Variants in PSG6 observed in about 807,000 individuals in gnomAD.
PSG6 encodes pregnancy specific beta-1-glycoprotein 6, also known as pregnancy-specific beta-1-glycoprotein 6.
Under a neutral mutation model 43.3 loss-of-function variants are expected in PSG6, and 51 were observed. The observed-to-expected ratio is 1.18, with a 90% CI of 0.94 to 1.49. The LOEUF (loss-of-function observed/expected upper bound fraction) is 1.49. Among genes scored for constraint, PSG6 ranks in the 40% most tolerant of loss-of-function variants. The pLI is 0.00. For missense variants in PSG6, 770 were observed against 522.2 expected, an observed-to-expected ratio of 1.47 and a Z score of -4.62; for synonymous variants, 292 against 197.6, an observed-to-expected ratio of 1.48 and a Z score of -4.01.
chr19:42,903,945 A>G (rs565430999), intron 5 of PSG6, among the ~76,000 whole-genome samples: 10 of 151,760 alleles, frequency 6.6e-5, no homozygotes, highest in Non-Finnish European at 1.2e-4. Flanking sequence ...GATTACTACC[A>G]ATTCTAATAA....
intron 4 of PSG6, 90 bp from the exon 5 acceptor site, chr19:42,907,266 C>A: frequency 6.5e-7 from 1 of 1,535,910 alleles, no homozygotes; most frequent in East Asian, 2.3e-5. Context: ...ACCCTCTGAA[C>A]CAAGACACAA....
Position 42,910,883 on chromosome 19 carries a change from T to G in PSG6, c.428-25A>C, listed in dbSNP as rs190705074. 3.6e-3 allele frequency: 5,689 copies of G among 1,583,654 alleles called. 146 individuals are homozygous for G. The highest frequency in any genetic ancestry group is 4.3e-3 in the Non-Finnish European group (4,992 of 1,164,654). ...GCTGTGCAGAAAACAGAGAGAAGAT[T>G]GCCCTGTGTGGCACCTTTGATTCCT... On this transcript the variant is annotated intron_variant, in intron 2 of 5. Transcript: ENST00000187910.
Position 42,917,522 on chromosome 19 carries a change from T to C in PSG6, c.64+207A>G, listed in dbSNP as rs184733968. Among the ~76,000 whole-genome samples the C allele has an allele frequency of 4.0e-4, 61 of 150,976 alleles. 2 individuals carry two copies. The highest frequency in any genetic ancestry group is 3.4e-3 in the Middle Eastern group (1 of 292). On this transcript the variant is annotated intron_variant, in intron 1 of 5. Coordinates refer to ENST00000187910, the MANE Select transcript of PSG6 (RefSeq NM_001031850.4). The stretch of plus-strand genomic sequence containing the variant: ...GGATTACAGGAGCACACCACCATAC[T>C]TGGTTAATTTTTTGTATTTTTTGGT...
rs1331140938 is a variant in PSG6 at position 42,916,139 on chromosome 19, G to A, written c.413C>T (p.Thr138Ile). 1 of 1,611,618 alleles carries A rather than the reference G, an allele frequency of 6.2e-7. No homozygotes were observed. Among genetic ancestry groups the A allele is most frequent in the Non-Finnish European group, 8.5e-7 (1 of 1,178,810 alleles). Residue 138 changes from threonine (T) to isoleucine (I), a missense_variant, in exon 2 of 6, where the codon ACT becomes ATT. Thr to Ile is a moderately conservative substitution (Grantham distance 89). Coordinates refer to ENST00000187910, the MANE Select transcript of PSG6 (RefSeq NM_001031850.4). ...GAATCACTCACAGTATAAGGTGACA[G>A]TGAAATATCCAGTTACTCCTCCAGT... ...DGTGGVTGYF[T>I]VTLYSETPKP... is the part of the protein sequence containing the mutation.
intron 1 of PSG6, among the ~76,000 whole-genome samples, chr19:42,917,456 T>G (rs1447081675): frequency 6.7e-6 from 1 of 148,802 alleles, no homozygotes; most frequent in Non-Finnish European, 1.5e-5. Flanking sequence ...TTCTGCCTCC[T>G]GGGTTCATGT....
chr19:42,916,800 C>T (rs1244431099), intron 1 of PSG6, among the ~76,000 whole-genome samples: 1 of 151,424 alleles, frequency 6.6e-6, no homozygotes, highest in African/African-American at 2.4e-5. Context: ...TCAGGTCCTG[C>T]TCACATCAGG....
Position 42,906,806 on chromosome 19 carries a change from T to A in PSG6, c.1240+116A>T, listed in dbSNP as rs1255324355. On this transcript the variant is annotated intron_variant, in intron 5 of 5. Coordinates refer to ENST00000187910, the MANE Select transcript of PSG6 (RefSeq NM_001031850.4). ...GAGGGTTCAGGAGGAGAATTTGGGA[T>A]TTGCTTGTGCCCATGGGACACAGTC... is the stretch of plus-strand genomic sequence containing the variant. 5.6e-6 allele frequency: 9 copies of A among 1,602,602 alleles called. 1 individual carries two copies. Among genetic ancestry groups the A allele is most frequent in the Non-Finnish European group, 7.7e-6 (9 of 1,172,984 alleles).
Position 42,907,037 on chromosome 19 carries a change from T to C in PSG6, c.1125A>G (p.Gly375=). ...TAATTTGGGGGATAAAGAGCTTTTGTCCTGATAGCTGAAACTTCCCATTAA... is the reference window on the plus strand; with the variant it reads ...TAATTTGGGGGATAAAGAGCTTTTGCCCTGATAGCTGAAACTTCCCATTAA... The part of the protein sequence containing the change: ...WTINGKFQLS[G]QKLFIPQITT... The change falls in exon 5 of 6, where the codon GGA becomes GGG. Residue 375 remains glycine (G), a synonymous_variant. Transcript: ENST00000187910. 6.2e-7 allele frequency: 1 copy of C among 1,612,626 alleles called. No homozygotes were observed. Among genetic ancestry groups the C allele is most frequent in the South Asian group, 1.1e-5 (1 of 90,844 alleles).
At position 42,907,193 on chromosome 19, in the gene PSG6, A is replaced by G. The variant is rs751669978; in HGVS notation, c.986-17T>C. The G allele has an allele frequency of 5.6e-6, 9 of 1,608,278 alleles. No individual in the cohort carries two copies. The highest frequency in any genetic ancestry group is 5.0e-5 in the Admixed American group (3 of 59,694). On this transcript the variant is annotated splice_polypyrimidine_tract_variant and intron_variant, in intron 4 of 5. Coordinates refer to ENST00000187910, the MANE Select transcript of PSG6 (RefSeq NM_001031850.4). ...CTGGACCATCTGGAGGAAAGAGAAT[A>G]AAGCCACAGGTGATGTCATCCAAGG...
chr19:42,917,882 C>G lies in PSG6; in HGVS notation c.-90G>C. On this transcript the variant is annotated 5_prime_UTR_variant, in exon 1 of 6. Coordinates refer to ENST00000187910, the MANE Select transcript of PSG6 (RefSeq NM_001031850.4). ...AGGGCTGTCAGGTGTGCTGTCCTTC[C>G]TCCTTCTGTGCTGAGCCTCTTCCCA... 6.6e-7 allele frequency: 1 copy of G among 1,507,170 alleles called. No individual in the cohort carries two copies. The highest frequency in any genetic ancestry group is 1.8e-4 in the Middle Eastern group (1 of 5,678). The allele number at this position is 1,507,170 out of a possible 1,614,324, so 93.4% of individuals were successfully genotyped here.
chr19:42,910,315 G>A, intron 3 of PSG6: 2 of 900,438 alleles, frequency 2.2e-6, no homozygotes, highest in Non-Finnish European at 1.7e-6. Flanking sequence ...TGTGTTCACT[G>A]ATCTGGAGCC....
intron 4 of PSG6, 41 bp downstream of exon 4, chr19:42,907,535 A>T: frequency 6.2e-7 from 1 of 1,608,046 alleles, no homozygotes; most frequent in African/African-American, 1.3e-5. Flanking sequence ...GTTTGGAGTT[A>T]AGCTGGTGTC....
rs146973505 is a variant in PSG6, at chr19:42,906,762, G to C, written c.1240+160C>G. 1,074 of 1,579,688 alleles carry C rather than the reference G, an allele frequency of 6.8e-4. 14 individuals are homozygous for C. The African/African-American group carries it at 0.013, about 19-fold the overall frequency. On this transcript the variant is annotated intron_variant, in intron 5 of 5. Transcript: ENST00000187910. Reference sequence around the variant, plus strand: ...AAAACAGAAAAACAAGCAGAAGAGAGTCTGTAGAGATAAGTTGGGAGGGTT... The same window carrying C: ...AAAACAGAAAAACAAGCAGAAGAGACTCTGTAGAGATAAGTTGGGAGGGTT...
At chr19:42,914,693 A>G (rs1294609841) in intron 2 of PSG6, among the ~76,000 whole-genome samples, 3 of 151,598 alleles carry the variant, frequency 2.0e-5, no homozygotes, top group Non-Finnish European at 2.9e-5. Context: ...TTCTGATTCC[A>G]AGATCCAGTC....
chr19:42,910,280 A>G lies in PSG6; in HGVS notation c.706+300T>C, dbSNP rs534033977. 1.5e-5 allele frequency: 10 copies of G among 661,414 alleles called. No individual in the cohort carries two copies. The East Asian group carries it at 3.3e-4, about 22-fold the overall frequency. 41.0% of individuals were successfully genotyped at this position (661,414 alleles called of 1,614,324 possible). On this transcript the variant is annotated intron_variant, in intron 3 of 5. Coordinates refer to ENST00000187910, the MANE Select transcript of PSG6 (RefSeq NM_001031850.4). Reference sequence around the variant, plus strand: ...GTGACCCTGTGAGCCAAGTTGCAACACTGAAGTCCCAGCCAAATCCCCGCT... The same window carrying G: ...GTGACCCTGTGAGCCAAGTTGCAACGCTGAAGTCCCAGCCAAATCCCCGCT...
chr19:42,902,449 G>T lies in PSG6; in HGVS notation c.1241-3C>A. The stretch of plus-strand genomic sequence containing the variant: ...TGTCTGGTTTCCATGGCAGGGACCT[G>T]ATTGACAGAAGGCCCAGGTCAGCGC... On this transcript the variant is annotated splice_region_variant and splice_polypyrimidine_tract_variant and intron_variant, in intron 5 of 5. Transcript: ENST00000187910. 6.2e-7 allele frequency: 1 copy of T among 1,610,966 alleles called. No individual in the cohort carries two copies.
intron 2 of PSG6, among the ~76,000 whole-genome samples, chr19:42,912,887 C>G (rs187865864): frequency 0.012 from 1,825 of 151,790 alleles, 52 homozygotes; most frequent in Non-Finnish European, 0.019. Context: ...TGGCCACCTC[C>G]ATCTGGTCCC....
intron 2 of PSG6, among the ~76,000 whole-genome samples, chr19:42,911,633 A>G (rs181262675): frequency 4.6e-5 from 7 of 151,872 alleles, no homozygotes; most frequent in African/African-American, 9.7e-5. Context: ...TGAGGACCAT[A>G]TGGATCTTTC....
At chr19:42,908,068 G>A (rs1972153259) in intron 3 of PSG6, 3 of 833,640 alleles carry the variant, frequency 3.6e-6, no homozygotes. Context: ...ACTTTCTCAA[G>A]TGTCAATTGA....
Sources: allele counts gnomAD v4.1 joint callset (sites outside exome capture counted in the v4.1 genomes callset), GRCh38; gene constraint gnomAD v4.1.1; transcripts MANE v1.5; gene names NCBI Gene and HGNC (gene_info 2026-07-23, HGNC 2026-07-21).